TMC1: variants seen among roughly 807,000 people sequenced by gnomAD.
TMC1 encodes the protein transmembrane channel-like protein 1.
A neutral mutation model predicts 105.8 loss-of-function variants in TMC1; 84 were observed. The observed-to-expected ratio is 0.79, with a 90% CI of 0.67 to 0.95. TMC1 has a LOEUF of 0.95. Among genes scored for constraint, TMC1 ranks in the 40% least tolerant of loss-of-function variants. The pLI is 0.00. For missense variants in TMC1, 817 were observed against 914.1 expected (o/e 0.89, Z 1.37); for synonymous variants, 315 against 311.5 (o/e 1.01, Z -0.12).
At chr9:72,822,594 G>C (rs1376819265) in intron 20 of TMC1, among the ~76,000 whole-genome samples, 1 of 151,652 alleles carries the variant, frequency 6.6e-6, no homozygotes, top group East Asian at 1.9e-4. Context: ...AATGCAGACA[G>C]TGACATCTGG....
chr9:72,638,414 A>G (rs562220427), intron 4 of TMC1, among the ~76,000 whole-genome samples: 2 of 152,220 alleles, frequency 1.3e-5, no homozygotes, highest in Non-Finnish European at 2.9e-5. Flanking sequence ...TTCTAATTCC[A>G]AATCTGTCTG....
intron 3 of TMC1, among the ~76,000 whole-genome samples, chr9:72,627,614 G>A (rs532789425): frequency 2.0e-4 from 30 of 152,242 alleles, no homozygotes; most frequent in Non-Finnish European, 3.1e-4. Context: ...GCCTTTAAAC[G>A]AAGAGCTACA....
intron 5 of TMC1, among the ~76,000 whole-genome samples, chr9:72,687,339 A>T (rs1826394521): frequency 6.6e-6 from 1 of 152,192 alleles, no homozygotes; most frequent in Non-Finnish European, 1.5e-5. Flanking sequence ...TTCCTAGAGA[A>T]TCCTTCTTTG....
intron 2 of TMC1, among the ~76,000 whole-genome samples, chr9:72,585,660 G>A (rs1824543534): frequency 6.6e-6 from 1 of 152,222 alleles, no homozygotes; most frequent in Admixed American, 6.5e-5. Flanking sequence ...AGAGAAAGGT[G>A]AAGCGAGTAT....
chr9:72,753,360 A>G (rs1445669459), intron 11 of TMC1, among the ~76,000 whole-genome samples: 1 of 133,032 alleles, frequency 7.5e-6, no homozygotes, highest in Non-Finnish European at 1.5e-5. Context: ...ACTGGCTACT[A>G]TGACGTTACT....
intron 13 of TMC1, among the ~76,000 whole-genome samples, chr9:72,776,403 C>T (rs1828005990): frequency 6.6e-6 from 1 of 152,118 alleles, no homozygotes; most frequent in Admixed American, 6.5e-5. Flanking sequence ...TAATAATTAA[C>T]ATCTGTTGAG....
intron 1 of TMC1, among the ~76,000 whole-genome samples, chr9:72,571,943 C>G (rs968347880): frequency 2.7e-5 from 4 of 149,888 alleles, no homozygotes; most frequent in Admixed American, 2.0e-4. Context: ...TTCAAGAGAT[C>G]CTCCTGCCTC....
At position 72,584,535 on chromosome 9, in the gene TMC1, G is replaced by C. The variant is rs571169091; in HGVS notation, c.-306+6512G>C. ...GCCCACCTTGGCCTCCCAAGGTGTT[G>C]AGATTACAGGCATGAGCCACCGCAC... On this transcript the variant is annotated intron_variant, in intron 2 of 23. Coordinates refer to ENST00000297784, the MANE Select transcript of TMC1 (RefSeq NM_138691.3). 4.1e-4 allele frequency among the ~76,000 whole-genome samples: 63 copies of C among 152,072 alleles called. 1 individual carries two copies. In the South Asian group the frequency reaches 0.013, roughly 32 times the overall value.
chr9:72,674,260 A>T (rs886734700), intron 5 of TMC1, among the ~76,000 whole-genome samples: 2 of 152,216 alleles, frequency 1.3e-5, no homozygotes, highest in Admixed American at 1.3e-4. Flanking sequence ...ATAGGCTTTT[A>T]AAAATGCTTG....
chr9:72,760,827 G>A (rs952960983), intron 12 of TMC1, among the ~76,000 whole-genome samples: 4 of 152,152 alleles, frequency 2.6e-5, no homozygotes, highest in African/African-American at 9.7e-5. Context: ...GGGAGGTTGT[G>A]AGGAACTACC....
intron 5 of TMC1, among the ~76,000 whole-genome samples, chr9:72,679,328 C>G (rs537014289): frequency 1.1e-4 from 17 of 152,122 alleles, no homozygotes; most frequent in African/African-American, 3.9e-4. Context: ...TTTCCTAACT[C>G]CAGAGTATTT....
intron 1 of TMC1, among the ~76,000 whole-genome samples, chr9:72,560,972 A>T (rs765046057): frequency 6.6e-6 from 1 of 152,076 alleles, no homozygotes; most frequent in Non-Finnish European, 1.5e-5. Context: ...ACTATTTCCC[A>T]TTCTATACAA....
At chr9:72,551,479 C>T (rs1331996967) in intron 1 of TMC1, among the ~76,000 whole-genome samples, 1 of 152,172 alleles carries the variant, frequency 6.6e-6, no homozygotes, top group African/African-American at 2.4e-5. Flanking sequence ...TGGGAAATCT[C>T]CTTCCCCCTG....
chr9:72,781,614 A>C (rs1173032438), intron 13 of TMC1, among the ~76,000 whole-genome samples: 3 of 152,198 alleles, frequency 2.0e-5, no homozygotes, highest in Non-Finnish European at 4.4e-5. Flanking sequence ...ACACAATCAG[A>C]AATGACAAAA....
intron 1 of TMC1, among the ~76,000 whole-genome samples, chr9:72,556,152 G>A (rs1161817800): frequency 6.8e-6 from 1 of 147,074 alleles, no homozygotes; most frequent in Non-Finnish European, 1.5e-5. Flanking sequence ...GTTTCGCTTT[G>A]GTTAGCCAGA....
intron 1 of TMC1, among the ~76,000 whole-genome samples, chr9:72,561,947 A>G (rs1824059528): frequency 6.6e-6 from 1 of 151,798 alleles, no homozygotes; most frequent in Non-Finnish European, 1.5e-5. Context: ...GTTTGAAGAT[A>G]CAGTCAGCTA....
intron 8 of TMC1, among the ~76,000 whole-genome samples, chr9:72,716,226 T>C (rs1167295787): frequency 6.6e-6 from 1 of 152,230 alleles, no homozygotes; most frequent in South Asian, 2.1e-4. Flanking sequence ...TCCCAGTCAG[T>C]ATACCTGGGG....
intron 2 of TMC1, among the ~76,000 whole-genome samples, chr9:72,579,482 C>T (rs1031410069): frequency 6.6e-6 from 1 of 152,162 alleles, no homozygotes; most frequent in Non-Finnish European, 1.5e-5. Context: ...CTAAATGGCT[C>T]TCCGGTTGAT....
At chr9:72,643,062 T>C (rs1825653479) in intron 4 of TMC1, among the ~76,000 whole-genome samples, 1 of 152,184 alleles carries the variant, frequency 6.6e-6, no homozygotes. Context: ...TATATGTATT[T>C]AGATTGTTTC....
Sources: allele counts gnomAD v4.1 joint callset (sites outside exome capture counted in the v4.1 genomes callset), GRCh38; gene constraint gnomAD v4.1.1; transcripts MANE v1.5; gene names NCBI Gene and HGNC (gene_info 2026-07-23, HGNC 2026-07-21).